Variants in DPYSL5 observed in about 807,000 individuals in gnomAD.
DPYSL5 encodes the protein dihydropyrimidinase-related protein 5.
A neutral mutation model predicts 58.4 loss-of-function variants in DPYSL5; 9 were observed. The observed-to-expected ratio is 0.15, with a 90% CI of 0.09 to 0.27. DPYSL5 has a LOEUF of 0.27. DPYSL5 is among the 10% of genes least tolerant of loss of function. The pLI, the probability that DPYSL5 is intolerant of heterozygous loss-of-function variation, is 1.00. For synonymous variants in DPYSL5, 293 were observed against 301.9 expected (o/e 0.97, Z 0.31); for missense variants, 499 against 770.6 (o/e 0.65, Z 4.17).
rs1448753682 is a variant in DPYSL5 at position 26,862,959 on chromosome 2, CTTG to C, written c.-5+14709_-5+14711del. Among the ~76,000 whole-genome samples the C allele has an allele frequency of 5.9e-5, 9 of 152,214 alleles. No individual in the cohort carries two copies. In the East Asian group the frequency reaches 1.5e-3, roughly 26 times the overall value. ...TTTTGTTCAGGTGGAGGGGAGGGGA[CTTG>C]TTGAGGTGCCCTCCCCTTGGAATCC... On this transcript the variant is annotated intron_variant, in intron 1 of 12. Transcript: ENST00000288699.
intron 2 of DPYSL5, among the ~76,000 whole-genome samples, chr2:26,915,873 G>T (rs1237927872): frequency 6.6e-6 from 1 of 151,996 alleles, no homozygotes; most frequent in Non-Finnish European, 1.5e-5. Flanking sequence ...TGGGAAGAAG[G>T]TCCCTCCAGC....
At chr2:26,887,315 C>T (rs1663744704) in intron 1 of DPYSL5, among the ~76,000 whole-genome samples, 1 of 152,154 alleles carries the variant, frequency 6.6e-6, no homozygotes, top group Non-Finnish European at 1.5e-5. Flanking sequence ...CCCCTTGCAC[C>T]ATCCTGGCCC....
At chr2:26,885,502 CA>C (rs1359879298) in intron 1 of DPYSL5, among the ~76,000 whole-genome samples, 1 of 152,212 alleles carries the variant, frequency 6.6e-6, no homozygotes, top group African/African-American at 2.4e-5. Flanking sequence ...AGCCCTCCCC[CA>C]AAATGGCACC....
At chr2:26,910,340 T>G (rs1445302326) in intron 2 of DPYSL5, among the ~76,000 whole-genome samples, 1 of 152,200 alleles carries the variant, frequency 6.6e-6, no homozygotes, top group Non-Finnish European at 1.5e-5. Context: ...ACAATTTTTT[T>G]TTCCCCATCA....
rs1664524009 is a variant in DPYSL5 at position 26,914,791 on chromosome 2, G to A, written c.262-10096G>A. 2.0e-5 allele frequency among the ~76,000 whole-genome samples: 3 copies of A among 152,108 alleles called. No homozygotes were observed. The South Asian group carries it at 6.2e-4, about 32-fold the overall frequency. ...TCCCTGGGACAAGAAAGGTCCCTGG[G>A]CTACTCACCTACGGGGAGCAGGAAC... On this transcript the variant is annotated intron_variant, in intron 2 of 12. Coordinates refer to ENST00000288699, the MANE Select transcript of DPYSL5 (RefSeq NM_020134.4).
chr2:26,918,028 T>C (rs892698380), intron 2 of DPYSL5, among the ~76,000 whole-genome samples: 2 of 150,768 alleles, frequency 1.3e-5, no homozygotes, highest in African/African-American at 4.9e-5. Context: ...TTCCAGCTAC[T>C]TGGGAGGCTG....
chr2:26,897,949 C>T lies in DPYSL5; in HGVS notation c.-4-547C>T, dbSNP rs576022670. On this transcript the variant is annotated intron_variant, in intron 1 of 12. Transcript: ENST00000288699. ...ATAGGAGCATGAAGGAAGCAGAATC[C>T]ATCTGAGGAATGTCATGAATTAAAC... is the stretch of plus-strand genomic sequence containing the variant. Among the ~76,000 whole-genome samples the T allele has an allele frequency of 2.0e-5, 3 of 152,250 alleles. No individual in the cohort carries two copies. The South Asian group carries it at 6.2e-4, about 32-fold the overall frequency.
At chr2:26,941,911 C>T (rs1009315797) in intron 9 of DPYSL5, 39 bp from the exon 10 acceptor site, 1 of 1,613,128 alleles carries the variant, frequency 6.2e-7, no homozygotes. Context: ...GACCCACCCC[C>T]AGAGCCTGGT....
chr2:26,885,699 C>G (rs993192413), intron 1 of DPYSL5, among the ~76,000 whole-genome samples: 2 of 152,222 alleles, frequency 1.3e-5, no homozygotes, highest in African/African-American at 4.8e-5. Flanking sequence ...TCTGACTGCT[C>G]TGCCTGATCA....
intron 6 of DPYSL5, among the ~76,000 whole-genome samples, chr2:26,932,204 AAAGAAAAGAAAGAAAG>A (rs1431371299): frequency 6.9e-5 from 5 of 72,080 alleles, no homozygotes; most frequent in East Asian, 3.6e-4. Flanking sequence ...AGAAAGAAAG[AAAGAAAAGAAAGAAAG>A]AAAGAAAGAA....
rs777801606 is a variant in DPYSL5, at chr2:26,898,481, C to G, written c.-4-15C>G. ...AGAAGGGACTTTGACCTTGACCATG[C>G]TCACCTTCTTGTAGGAACATGCTTG... On this transcript the variant is annotated splice_polypyrimidine_tract_variant and intron_variant, in intron 1 of 12. Transcript: ENST00000288699. The surrounding 1 kb of genome is among the most constrained non-coding windows in gnomAD (Gnocchi z 6.1). 19 of 1,611,244 alleles carry G rather than the reference C, an allele frequency of 1.2e-5. No individual in the cohort carries two copies. The highest frequency in any genetic ancestry group is 1.4e-5 in the Non-Finnish European group (17 of 1,178,002).
At chr2:26,940,548 G>A (rs1218501134) in intron 9 of DPYSL5, among the ~76,000 whole-genome samples, 1 of 144,532 alleles carries the variant, frequency 6.9e-6, no homozygotes, top group Non-Finnish European at 1.5e-5. Flanking sequence ...GACAGGTCTT[G>A]AACTCATGGG....
chr2:26,875,553 G>A (rs924819795), intron 1 of DPYSL5, among the ~76,000 whole-genome samples: 3 of 152,222 alleles, frequency 2.0e-5, no homozygotes, highest in African/African-American at 7.2e-5. Context: ...AGTATCTGGC[G>A]TGGAGTCCTG....
intron 6 of DPYSL5, among the ~76,000 whole-genome samples, chr2:26,932,048 G>GAAAGAAAGAAA (rs1377724551): frequency 2.1e-5 from 1 of 47,618 alleles, no homozygotes; most frequent in African/African-American, 1.0e-4. Flanking sequence ...AAGAAAGAAA[G>GAAAGAAAGAAA]GAAAGAAAGA....
Position 26,946,902 on chromosome 2 carries a change from C to T in DPYSL5, c.1610-8C>T. The stretch of plus-strand genomic sequence containing the variant: ...CCCGTCTCACCCTCTGTGCTTCCTT[C>T]CCTGCAGGCTCTCAGATCGATGACC... On this transcript the variant is annotated splice_region_variant and splice_polypyrimidine_tract_variant and intron_variant, in intron 12 of 12. Transcript: ENST00000288699. The T allele has an allele frequency of 6.2e-7, 1 of 1,613,192 alleles. No individual in the cohort carries two copies. The highest frequency in any genetic ancestry group is 8.5e-7 in the Non-Finnish European group (1 of 1,179,134).
Position 26,944,613 on chromosome 2 carries a change from T to C in DPYSL5, c.1441-43T>C. 6.3e-7 allele frequency: 1 copy of C among 1,598,458 alleles called. No individual in the cohort carries two copies. The highest frequency in any genetic ancestry group is 8.5e-7 in the Non-Finnish European group (1 of 1,170,764). On this transcript the variant is annotated intron_variant, in intron 11 of 12. Transcript: ENST00000288699. The surrounding 1 kb of genome is among the most constrained non-coding windows in gnomAD (Gnocchi z 4.4). ...CCATGGTTGTATCACTCAGCTCTGA[T>C]GGTGTTGTCCTGTTCTTCTGCTCTT...
intron 12 of DPYSL5, among the ~76,000 whole-genome samples, chr2:26,945,553 A>C (rs946437533): frequency 6.6e-6 from 1 of 151,000 alleles, no homozygotes. Context: ...GGGCTCATAA[A>C]TGATGATCCT....
chr2:26,944,257 C>T lies in DPYSL5; in HGVS notation c.1441-399C>T, dbSNP rs1665405688. On this transcript the variant is annotated intron_variant, in intron 11 of 12. Coordinates refer to ENST00000288699, the MANE Select transcript of DPYSL5 (RefSeq NM_020134.4). The surrounding 1 kb of genome is among the most constrained non-coding windows in gnomAD (Gnocchi z 4.4). ...CCAAGATCGCACCACTGCACTCCAGCATGGGCGACAGAGTGAGACTCTGTC... is the reference window on the plus strand; with the variant it reads ...CCAAGATCGCACCACTGCACTCCAGTATGGGCGACAGAGTGAGACTCTGTC... Among the ~76,000 whole-genome samples, 2 of 152,094 alleles carry T rather than the reference C, an allele frequency of 1.3e-5. No homozygotes were observed. The highest frequency in any genetic ancestry group is 1.9e-4 in the East Asian group (1 of 5,188).
rs1293666239 is a variant in DPYSL5 at position 26,877,011 on chromosome 2, G to A, written c.-4-21485G>A. Among the ~76,000 whole-genome samples the A allele has an allele frequency of 7.2e-6, 1 of 138,560 alleles. No homozygotes were observed. The highest frequency in any genetic ancestry group is 1.5e-5 in the Non-Finnish European group (1 of 65,860). The allele number at this position is 138,560 out of a possible 152,430, so 90.9% of individuals were successfully genotyped here. ...GAACGAAGTCTCGCTCTTGTCCCCT[G>A]GCTGGAGTGCAATGGCGTGATCTTG... On this transcript the variant is annotated intron_variant, in intron 1 of 12. Transcript: ENST00000288699. This position sits in a 1 kb window ranked among gnomAD's most constrained non-coding sequence, Gnocchi z 4.1.
Sources: gnomAD v4.1 joint callset for allele counts (sites outside exome capture counted in the v4.1 genomes callset) on GRCh38, gnomAD v4.1.1 for gene constraint, Gnocchi (gnomAD v3.1) non-coding constraint, MANE v1.5 for transcripts, NCBI Gene and HGNC (gene_info 2026-07-23, HGNC 2026-07-21) for gene names.